Variants in CTNNA1 observed in about 807,000 individuals in gnomAD.
CTNNA1 encodes catenin alpha 1.
In CTNNA1, 37 loss-of-function variants were observed where a neutral mutation model predicts 98.4. The observed-to-expected ratio is 0.38, with a 90% CI of 0.29 to 0.49. The LOEUF (loss-of-function observed/expected upper bound fraction) is 0.49. CTNNA1 is among the 20% of genes least tolerant of loss of function. The pLI is 0.95. For missense variants in CTNNA1, 761 were observed against 1,147.2 expected (o/e 0.66, Z 4.86); for synonymous variants, 404 against 413.2 (o/e 0.98, Z 0.27).
At chr5:138,867,635 C>A (rs796145449) in intron 7 of CTNNA1, among the ~76,000 whole-genome samples, 1 of 152,186 alleles carries the variant, frequency 6.6e-6, no homozygotes, top group Non-Finnish European at 1.5e-5. Flanking sequence ...CCTTTTCTTT[C>A]TCTTCCTTCT....
chr5:138,839,233 T>C (rs1334530823), intron 7 of CTNNA1, among the ~76,000 whole-genome samples: 1 of 152,224 alleles, frequency 6.6e-6, no homozygotes, highest in African/African-American at 2.4e-5. Flanking sequence ...TATTTTTTTT[T>C]TCTTTTTTGA....
intron 3 of CTNNA1, among the ~76,000 whole-genome samples, chr5:138,800,801 C>T (rs1377527671): frequency 6.6e-6 from 1 of 151,272 alleles, no homozygotes; most frequent in Non-Finnish European, 1.5e-5. Context: ...AAAACTCCGT[C>T]TAAAAAAAAA....
intron 1 of CTNNA1, among the ~76,000 whole-genome samples, chr5:138,775,088 A>G (rs1000753974): frequency 2.0e-5 from 3 of 152,216 alleles, no homozygotes; most frequent in African/African-American, 7.2e-5. Context: ...ATGTGACCAC[A>G]TATACCTAAA....
intron 11 of CTNNA1, among the ~76,000 whole-genome samples, chr5:138,920,369 A>T (rs1395299553): frequency 6.6e-6 from 1 of 152,220 alleles, no homozygotes; most frequent in Non-Finnish European, 1.5e-5. Context: ...TGCAGCAGTC[A>T]CGGGCAGTAT....
chr5:138,776,620 G>T (rs1158901390), intron 1 of CTNNA1, among the ~76,000 whole-genome samples: 7 of 152,090 alleles, frequency 4.6e-5, no homozygotes, highest in Non-Finnish European at 1.0e-4. Flanking sequence ...AGTAGGAGCG[G>T]CCGGGCAGAG....
intron 1 of CTNNA1, among the ~76,000 whole-genome samples, chr5:138,763,604 A>C (rs1374981056): frequency 6.6e-6 from 1 of 152,196 alleles, no homozygotes; most frequent in Non-Finnish European, 1.5e-5. Context: ...TTGGCCTCCA[A>C]AGTGCTAGGA....
At chr5:138,907,593 G>A (rs1759550904) in intron 10 of CTNNA1, among the ~76,000 whole-genome samples, 1 of 152,176 alleles carries the variant, frequency 6.6e-6, no homozygotes, top group Admixed American at 6.5e-5. Flanking sequence ...AAGCACCACG[G>A]ATCCTGATTT....
intron 3 of CTNNA1, among the ~76,000 whole-genome samples, chr5:138,795,449 C>T (rs528071303): frequency 3.5e-4 from 53 of 151,714 alleles, no homozygotes; most frequent in African/African-American, 1.2e-3. Flanking sequence ...CAGCGAGACT[C>T]TGTCTCAGAA....
intron 9 of CTNNA1, among the ~76,000 whole-genome samples, chr5:138,894,891 C>G (rs1247439221): frequency 6.6e-6 from 1 of 152,186 alleles, no homozygotes; most frequent in Non-Finnish European, 1.5e-5. Context: ...ATGTCACCAC[C>G]TGTGCCCTCT....
intron 7 of CTNNA1, 81 bp from the exon 8 acceptor site, chr5:138,886,131 A>T: frequency 6.8e-7 from 1 of 1,477,944 alleles, no homozygotes; most frequent in East Asian, 2.4e-5. Context: ...TTCAGTGTTG[A>T]CATGAGCACA....
At chr5:138,850,729 C>A (rs1763112673) in intron 7 of CTNNA1, among the ~76,000 whole-genome samples, 2 of 152,130 alleles carry the variant, frequency 1.3e-5, no homozygotes, top group African/African-American at 4.8e-5. Flanking sequence ...AGCTCTGGAT[C>A]CAGGGTCTTA....
intron 5 of CTNNA1, among the ~76,000 whole-genome samples, chr5:138,822,240 C>T (rs1760119600): frequency 6.6e-6 from 1 of 151,952 alleles, no homozygotes. Flanking sequence ...AAATGATCAC[C>T]AATTCTCTAA....
At chr5:138,802,765 A>G (rs1481721239) in intron 3 of CTNNA1, among the ~76,000 whole-genome samples, 1 of 152,126 alleles carries the variant, frequency 6.6e-6, no homozygotes, top group Non-Finnish European at 1.5e-5. Flanking sequence ...TTCTGAGTTT[A>G]TGATCTTATT....
intron 5 of CTNNA1, among the ~76,000 whole-genome samples, chr5:138,823,899 G>A (rs1433760771): frequency 2.3e-5 from 3 of 131,362 alleles, no homozygotes; most frequent in Non-Finnish European, 4.7e-5. Context: ...GGAGCTTGCA[G>A]TGAGCCGAGA....
rs765048202 is a variant in CTNNA1 at position 138,924,567 on chromosome 5, T to C, written c.1604T>C (p.Val535Ala). 1.2e-6 allele frequency: 2 copies of C among 1,614,202 alleles called. No homozygotes were observed. Among genetic ancestry groups the C allele is most frequent in the South Asian group, 1.1e-5 (1 of 91,072 alleles). The change falls in exon 12 of 18, where the codon GTG (valine) becomes GCG (alanine). Residue 535 changes from valine (V) to alanine (A), a missense_variant. Around this residue, in one of 6 missense-constraint regions of CTNNA1, gnomAD observed 287 missense variants for 436.0 expected, o/e 0.66. Transcript: ENST00000302763. The part of the protein sequence containing the change: ...KCVIALQEKD[V>A]DGLDRTAGAI... ...GTCATTGCTCTCCAAGAGAAGGATG[T>C]GGATGGCCTGGACCGCACAGCTGGT...
intron 5 of CTNNA1, among the ~76,000 whole-genome samples, chr5:138,823,271 G>A (rs1462966443): frequency 2.0e-5 from 3 of 151,842 alleles, no homozygotes; most frequent in Admixed American, 6.6e-5. Flanking sequence ...CTTATTTGTC[G>A]CTTAGCATAT....
intron 2 of CTNNA1, 65 bp downstream of exon 2, chr5:138,782,094 A>C (rs909077234): frequency 3.4e-6 from 5 of 1,476,378 alleles, no homozygotes; most frequent in Admixed American, 4.2e-5. Context: ...GGTAACAACC[A>C]TAAGAGCAAG....
intron 7 of CTNNA1, chr5:138,881,079 T>G: frequency 2.2e-6 from 1 of 456,326 alleles, no homozygotes. Flanking sequence ...GAGATGTTGA[T>G]TCCTCCTTGT....
At chr5:138,887,749 A>G in intron 9 of CTNNA1, 107 bp downstream of exon 9, 1 of 874,848 alleles carries the variant, frequency 1.1e-6, no homozygotes, top group Non-Finnish European at 1.8e-6. Context: ...CGCTTAACAT[A>G]CAACATGTCT....
Sources: allele counts gnomAD v4.1 joint callset (sites outside exome capture counted in the v4.1 genomes callset), GRCh38; gene constraint gnomAD v4.1.1; regional missense constraint gnomAD v4.1.1; transcripts MANE v1.5; gene names NCBI Gene and HGNC (gene_info 2026-07-23, HGNC 2026-07-21).